The following CORO2B variants were observed in gnomAD, a reference collection of about 807,000 sequenced individuals.
CORO2B encodes the protein coronin 2B, also known as coronin-2B.
CORO2B carries 26 observed loss-of-function variants against 58.8 expected under a neutral mutation model. That is an observed-to-expected ratio of 0.44 (90% CI 0.32 to 0.61). CORO2B has a LOEUF of 0.61. CORO2B is among the 20% of genes least tolerant of loss of function. The probability of loss-of-function intolerance (pLI) is 0.04; values close to 1 mark genes in which losing one functional copy is unlikely to be tolerated. For synonymous variants in CORO2B, 242 were observed against 253.8 expected, an observed-to-expected ratio of 0.95 and a Z score of 0.44; for missense variants, 460 against 645.1, an observed-to-expected ratio of 0.71 and a Z score of 3.11.
At chr15:68,625,005 C>G (rs963603390) in intron 1 of CORO2B, among the ~76,000 whole-genome samples, 2 of 152,184 alleles carry the variant, frequency 1.3e-5, no homozygotes, top group Non-Finnish European at 2.9e-5. Flanking sequence ...AACTCCAGTG[C>G]TAGTGGTCGA....
chr15:68,719,071 A>C, intron 9 of CORO2B, 73 bp from the exon 10 acceptor site: 1 of 1,178,962 alleles, frequency 8.5e-7, no homozygotes, highest in East Asian at 2.3e-5. Flanking sequence ...ATCAGTAAGA[A>C]GAGTCTGACT....
chr15:68,594,053 A>G (rs1363212392), intron 1 of CORO2B, among the ~76,000 whole-genome samples: 2 of 152,328 alleles, frequency 1.3e-5, no homozygotes, highest in Non-Finnish European at 2.9e-5. Flanking sequence ...CCCGTCAGCA[A>G]TGGGGAGCTG....
chr15:68,600,620 T>C (rs1899956422), intron 1 of CORO2B, among the ~76,000 whole-genome samples: 1 of 152,190 alleles, frequency 6.6e-6, no homozygotes, highest in African/African-American at 2.4e-5. Context: ...GGCCTTCAGA[T>C]ACCCTTGTGC....
the CORO2B span, among the ~76,000 whole-genome samples, chr15:68,546,005 T>C: frequency 2.0e-5 from 3 of 152,086 alleles, no homozygotes; most frequent in African/African-American, 7.2e-5. Flanking sequence ...CTCTCTGCCC[T>C]CCCCCTTTTG....
At chr15:68,618,298 G>A (rs553528843) in intron 1 of CORO2B, among the ~76,000 whole-genome samples, 13 of 152,228 alleles carry the variant, frequency 8.5e-5, no homozygotes, top group Non-Finnish European at 7.3e-5. Flanking sequence ...TGACCCTCCA[G>A]TGTGAGAAAC....
At chr15:68,674,815 C>G (rs1347718136) in intron 2 of CORO2B, among the ~76,000 whole-genome samples, 2 of 152,320 alleles carry the variant, frequency 1.3e-5, no homozygotes, top group Admixed American at 1.3e-4. Flanking sequence ...ATGCTCTTTT[C>G]CCTCAGACCT....
intron 2 of CORO2B, among the ~76,000 whole-genome samples, chr15:68,693,294 C>T (rs969644150): frequency 3.3e-5 from 5 of 152,204 alleles, no homozygotes; most frequent in Non-Finnish European, 7.3e-5. Context: ...GGGAAGAGGT[C>T]ACAGCAGGAC....
At chr15:68,713,152 A>T (rs1478728444) in intron 5 of CORO2B, among the ~76,000 whole-genome samples, 1 of 152,062 alleles carries the variant, frequency 6.6e-6, no homozygotes, top group East Asian at 1.9e-4. Flanking sequence ...TTAAGGAGGC[A>T]CTCCCTGATG....
chr15:68,609,081 G>A (rs1282753312), intron 1 of CORO2B, among the ~76,000 whole-genome samples: 1 of 152,206 alleles, frequency 6.6e-6, no homozygotes, highest in Non-Finnish European at 1.5e-5. Flanking sequence ...TGCCTGCACG[G>A]TGCACTGGGT....
chr15:68,521,893 C>A, the CORO2B span, among the ~76,000 whole-genome samples: 30 of 152,104 alleles, frequency 2.0e-4, no homozygotes, highest in Non-Finnish European at 3.8e-4. Context: ...CATGGCAAAA[C>A]CCCGTCTCCA....
Position 68,639,505 on chromosome 15 carries a change from G to A in CORO2B, c.16-5655G>A, listed in dbSNP as rs1901139211. On this transcript the variant is annotated intron_variant, in intron 1 of 11. Transcript: ENST00000261861. ...ACTGGGGTAGGGGAATATAAAAGAG[G>A]AAGGCCCCCAGCCAGGGTGGCAGAA... Among the ~76,000 whole-genome samples, 3 of 152,208 alleles carry A rather than the reference G, an allele frequency of 2.0e-5. No individual in the cohort carries two copies. The South Asian group carries it at 6.2e-4, about 32-fold the overall frequency.
chr15:68,576,152 C>CAAAAAAAAA (rs3985627), upstream of CORO2B, among the ~76,000 whole-genome samples: 7 of 62,180 alleles, frequency 1.1e-4, no homozygotes, highest in African/African-American at 1.9e-4. Context: ...GACTACGTCG[C>CAAAAAAAAA]AAAAAAAAAA....
intron 3 of CORO2B, among the ~76,000 whole-genome samples, chr15:68,700,616 A>G (rs147643855): frequency 9.8e-4 from 149 of 152,304 alleles, no homozygotes; most frequent in African/African-American, 3.4e-3. Flanking sequence ...GCTGGGGGCC[A>G]TAACTCTCCC....
intron 2 of CORO2B, among the ~76,000 whole-genome samples, chr15:68,684,066 G>C (rs1017143705): frequency 6.6e-6 from 1 of 152,178 alleles, no homozygotes; most frequent in African/African-American, 2.4e-5. Context: ...CAGTGTGTAA[G>C]GTGGATTGGA....
the CORO2B span, among the ~76,000 whole-genome samples, chr15:68,564,465 G>A: frequency 2.0e-5 from 3 of 151,914 alleles, no homozygotes; most frequent in African/African-American, 4.8e-5. Context: ...CACTACAACC[G>A]GCTAATTTAT....
intron 1 of CORO2B, among the ~76,000 whole-genome samples, chr15:68,641,102 C>T (rs906801531): frequency 1.3e-5 from 2 of 152,182 alleles, no homozygotes; most frequent in Non-Finnish European, 2.9e-5. Flanking sequence ...GATCCAGTCC[C>T]AGCCTACCAG....
At chr15:68,549,628 G>C in the CORO2B span, among the ~76,000 whole-genome samples, 1 of 152,286 alleles carries the variant, frequency 6.6e-6, no homozygotes, top group African/African-American at 2.4e-5. Flanking sequence ...ACTACATTCT[G>C]TTCCCAGCTG....
At chr15:68,687,544 C>T (rs530369127) in intron 2 of CORO2B, among the ~76,000 whole-genome samples, 1 of 152,292 alleles carries the variant, frequency 6.6e-6, no homozygotes, top group African/African-American at 2.4e-5. Context: ...AGGGAGGGCC[C>T]GGCCATGGCT....
the CORO2B span, among the ~76,000 whole-genome samples, chr15:68,535,722 G>T: frequency 6.6e-6 from 1 of 152,122 alleles, no homozygotes; most frequent in Admixed American, 6.5e-5. Context: ...GCTCATTTGG[G>T]AGACTTAGGA....
Sources: allele counts gnomAD v4.1 joint callset (sites outside exome capture counted in the v4.1 genomes callset), GRCh38; gene constraint gnomAD v4.1.1; transcripts MANE v1.5; gene names NCBI Gene and HGNC (gene_info 2026-07-23, HGNC 2026-07-21).